Variants in GPC5 observed in about 807,000 individuals in gnomAD.
GPC5 encodes glypican-5.
Under a neutral mutation model 53.9 loss-of-function variants are expected in GPC5, and 47 were observed. That is an observed-to-expected ratio of 0.87 (90% confidence interval 0.69 to 1.11). The LOEUF is 1.11. GPC5 is among the 50% of genes most tolerant of loss of function. The pLI is 0.00. For synonymous variants in GPC5, 286 were observed against 263.3 expected (o/e 1.09, Z -0.84); for missense variants, 748 against 713.1 (o/e 1.05, Z -0.56).
chr13:92,310,892 T>C (rs116832126), intron 7 of GPC5, among the ~76,000 whole-genome samples: 320 of 152,298 alleles, frequency 2.1e-3, no homozygotes, highest in African/African-American at 7.3e-3. Context: ...AAAAATGTTT[T>C]TGAAAGAGAC....
chr13:92,424,808 ATCTAT>A (rs1161294022), intron 7 of GPC5, among the ~76,000 whole-genome samples: 2 of 79,288 alleles, frequency 2.5e-5, no homozygotes, highest in Admixed American at 1.5e-4. Context: ...ATCAATATTC[ATCTAT>A]TCATTCATTC....
rs539043542 is a variant in GPC5, at chr13:92,407,768, A to G, written c.1561+262779A>G. Among the ~76,000 whole-genome samples the G allele has an allele frequency of 2.0e-4, 31 of 152,298 alleles. No individual in the cohort carries two copies. The East Asian group carries it at 6.0e-3, about 29-fold the overall frequency. ...TAGAAATCTAATATAAAATATTAAG[A>G]CATAAAAAATGTGAGTAATGATTAT... On this transcript the variant is annotated intron_variant, in intron 7 of 7. Transcript: ENST00000377067.
intron 6 of GPC5, among the ~76,000 whole-genome samples, chr13:91,908,746 A>G (rs1212543539): frequency 6.6e-6 from 1 of 152,064 alleles, no homozygotes; most frequent in Admixed American, 6.6e-5. Flanking sequence ...GCATCTATTG[A>G]TGTTTGGGGT....
At position 92,345,983 on chromosome 13, in the gene GPC5, G is replaced by A. The variant is rs145683993; in HGVS notation, c.1561+200994G>A. 8.8e-3 allele frequency among the ~76,000 whole-genome samples: 1,346 copies of A among 152,204 alleles called. 15 individuals carry two copies. Among genetic ancestry groups the A allele is most frequent in the South Asian group, 0.043 (209 of 4,822 alleles). ...TGAGCTGATTGCCTTCATAAGTAAG[G>A]TAAGAAGTTCATTTTACTTTGAGTC... On this transcript the variant is annotated intron_variant, in intron 7 of 7. Transcript: ENST00000377067.
chr13:91,590,673 AG>A (rs1264773756), intron 2 of GPC5, among the ~76,000 whole-genome samples: 1 of 152,184 alleles, frequency 6.6e-6, no homozygotes, highest in Non-Finnish European at 1.5e-5. Context: ...CCACACATTG[AG>A]TCACCACTGC....
At chr13:92,334,419 G>A (rs1476781304) in intron 7 of GPC5, among the ~76,000 whole-genome samples, 7 of 152,120 alleles carry the variant, frequency 4.6e-5, no homozygotes, top group African/African-American at 1.7e-4. Context: ...TGGGGATTAA[G>A]GGAGCTACAA....
chr13:91,831,806 G>T (rs1038061509), intron 5 of GPC5, among the ~76,000 whole-genome samples: 4 of 152,030 alleles, frequency 2.6e-5, no homozygotes, highest in African/African-American at 9.7e-5. Flanking sequence ...TAATTTGATT[G>T]CACTGTGGTC....
chr13:92,229,481 G>A (rs532953592), intron 7 of GPC5, among the ~76,000 whole-genome samples: 2 of 151,874 alleles, frequency 1.3e-5, no homozygotes, highest in Non-Finnish European at 2.9e-5. Context: ...AATCTTGATT[G>A]TAAATAAAGC....
intron 7 of GPC5, among the ~76,000 whole-genome samples, chr13:92,290,504 G>A (rs576350533): frequency 6.6e-6 from 1 of 151,974 alleles, no homozygotes; most frequent in South Asian, 2.1e-4. Flanking sequence ...CTTTCCCCAA[G>A]TCCCCAAAGT....
intron 4 of GPC5, among the ~76,000 whole-genome samples, chr13:91,748,903 G>A (rs2037108990): frequency 6.6e-6 from 1 of 152,034 alleles, no homozygotes; most frequent in Admixed American, 6.6e-5. Flanking sequence ...GTTGTTTTAT[G>A]CAATGCGTGT....
At chr13:92,400,977 G>T (rs1182791107) in intron 7 of GPC5, among the ~76,000 whole-genome samples, 1 of 152,036 alleles carries the variant, frequency 6.6e-6, no homozygotes. Flanking sequence ...TTCTGAGGCA[G>T]ATGGAAGTTG....
chr13:91,521,840 G>A (rs1885833071), intron 2 of GPC5, among the ~76,000 whole-genome samples: 3 of 152,204 alleles, frequency 2.0e-5, no homozygotes, highest in African/African-American at 4.8e-5. Flanking sequence ...CCAGTTAAAA[G>A]CTCCAAGCTG....
At chr13:91,755,690 C>A (rs1249614757) in intron 4 of GPC5, among the ~76,000 whole-genome samples, 2 of 152,014 alleles carry the variant, frequency 1.3e-5, no homozygotes, top group African/African-American at 4.8e-5. Context: ...ATTATTCCTT[C>A]CAATAACTTT....
intron 7 of GPC5, among the ~76,000 whole-genome samples, chr13:92,665,685 A>G (rs553457256): frequency 1.3e-5 from 2 of 152,302 alleles, no homozygotes; most frequent in East Asian, 3.9e-4. Flanking sequence ...AAGCACTGAA[A>G]ATTATGGTTC....
intron 5 of GPC5, among the ~76,000 whole-genome samples, chr13:91,796,612 C>T (rs926050932): frequency 1.3e-5 from 2 of 152,132 alleles, no homozygotes; most frequent in Non-Finnish European, 2.9e-5. Context: ...CTCTTTACTA[C>T]CTGATGGGTC....
chr13:92,485,832 G>A (rs1879532691), intron 7 of GPC5, among the ~76,000 whole-genome samples: 1 of 152,160 alleles, frequency 6.6e-6, no homozygotes, highest in Non-Finnish European at 1.5e-5. Flanking sequence ...CAGACTTGGT[G>A]GTGGACACCT....
At chr13:92,107,065 CTTGGA>C (rs1234751105) in intron 6 of GPC5, among the ~76,000 whole-genome samples, 2 of 151,992 alleles carry the variant, frequency 1.3e-5, no homozygotes, top group Non-Finnish European at 2.9e-5. Context: ...GTTTAGATAT[CTTGGA>C]TTAGGATAGA....
At chr13:91,606,188 C>CT (rs1431482916) in intron 2 of GPC5, among the ~76,000 whole-genome samples, 6 of 150,116 alleles carry the variant, frequency 4.0e-5, no homozygotes, top group East Asian at 3.9e-4. Flanking sequence ...TTGTCAAAGG[C>CT]TTTTTCTGCA....
At chr13:92,411,907 C>T (rs1262924374) in intron 7 of GPC5, among the ~76,000 whole-genome samples, 2 of 152,046 alleles carry the variant, frequency 1.3e-5, no homozygotes, top group African/African-American at 2.4e-5. Context: ...AAAGTAATTG[C>T]GGTTTTAGTC....
Sources: allele counts gnomAD v4.1 joint callset (sites outside exome capture counted in the v4.1 genomes callset), GRCh38; gene constraint gnomAD v4.1.1; transcripts MANE v1.5; gene names NCBI Gene and HGNC (gene_info 2026-07-23, HGNC 2026-07-21).